DNMT1: variants seen among roughly 807,000 people sequenced by gnomAD.
DNMT1 encodes DNA (cytosine-5)-methyltransferase 1.
DNMT1 carries 24 observed loss-of-function variants against 205.3 expected under a neutral mutation model. The ratio of observed to expected loss-of-function variants is 0.12; its 90% CI spans 0.08 to 0.16. The LOEUF (loss-of-function observed/expected upper bound fraction) is 0.16, where lower values mean the gene tolerates loss of function less well. DNMT1 is among the 10% of genes least tolerant of loss of function. DNMT1 has a pLI of 1.00. For synonymous variants in DNMT1, 817 were observed against 839.8 expected (o/e 0.97, Z 0.47); for missense variants, 1,293 against 2,177.7 (o/e 0.59, Z 8.09).
At chr19:10,192,849 C>A (rs866467627) in intron 1 of DNMT1, among the ~76,000 whole-genome samples, 8 of 151,974 alleles carry the variant, frequency 5.3e-5, no homozygotes, top group Non-Finnish European at 1.2e-4. Context: ...GAGTTCGAGA[C>A]CAGCCTGACC....
intron 17 of DNMT1, among the ~76,000 whole-genome samples, chr19:10,157,116 T>C (rs1028217557): frequency 1.2e-4 from 19 of 152,166 alleles, no homozygotes; most frequent in Non-Finnish European, 2.9e-5. Context: ...ACTAGCTCTA[T>C]TCAGCTGCAG....
Position 10,135,848 on chromosome 19 carries a change from C to A in DNMT1, c.4661G>T (p.Arg1554Leu). The A allele has an allele frequency of 6.4e-7, 1 of 1,551,648 alleles. No individual in the cohort carries two copies. The change falls in exon 39 of 41, where the codon CGC (arginine) becomes CTC (leucine). Residue 1554 changes from arginine (R) to leucine (L), a missense_variant. By Grantham distance (102) the Arg-to-Leu change is moderately radical. This residue lies in a region of DNMT1 where 24 missense variants were observed against 58.0 expected (regional missense o/e 0.41). Transcript: ENST00000359526. Reference protein sequence around the residue: ...TNPEPMGKQGRVLHPEQHRVV... With the variant: ...TNPEPMGKQGLVLHPEQHRVV... ...ACGGTGCTGCTCTGGGTGGAGCACG[C>A]GGCCCTGGGGGAAAGAGGCGCGGTG... is the stretch of plus-strand genomic sequence containing the variant.
intron 10 of DNMT1, among the ~76,000 whole-genome samples, 200 bp from the exon 11 acceptor site, chr19:10,166,885 T>G (rs900570278): frequency 3.3e-5 from 5 of 152,172 alleles, no homozygotes; most frequent in Non-Finnish European, 5.9e-5. Context: ...CAATACCCCA[T>G]CTGAATGTTG....
intron 9 of DNMT1, among the ~76,000 whole-genome samples, chr19:10,170,298 GAAAA>G (rs893991078): frequency 6.6e-6 from 1 of 151,668 alleles, no homozygotes; most frequent in Non-Finnish European, 1.5e-5. Context: ...TAAAAAAAAA[GAAAA>G]AAAGCAAGAA....
chr19:10,137,629 A>C lies in DNMT1; in HGVS notation c.4293+203T>G. The C allele has an allele frequency of 1.3e-6, 1 of 767,884 alleles. No homozygotes were observed. The highest frequency in any genetic ancestry group is 2.1e-6 in the Non-Finnish European group (1 of 471,448). 47.6% of individuals were successfully genotyped at this position (767,884 alleles called of 1,614,324 possible). A position where few individuals can be genotyped will look rare whatever the true frequency, so the allele number is the denominator to read the frequency against. ...GTGGGCAGTGGCTTGACACCATTCC[A>C]GACCAAGTCCAGGACTGCGGGAGCT... On this transcript the variant is annotated intron_variant, in intron 36 of 40. Coordinates refer to ENST00000359526, the MANE Select transcript of DNMT1 (RefSeq NM_001130823.3). The surrounding 1 kb of genome is among the most constrained non-coding windows in gnomAD (Gnocchi z 6.4).
rs532641727 is a variant in DNMT1, at chr19:10,155,267, G to A, written c.1493-211C>T. Among the ~76,000 whole-genome samples the A allele has an allele frequency of 2.0e-5, 3 of 152,258 alleles. No homozygotes were observed. In the South Asian group the frequency reaches 6.2e-4, roughly 32 times the overall value. ...CCAGAGAGCGAAGACTAGCTGAGTA[G>A]GCCTTCATTGAGCTCATCTCTGGTG... On this transcript the variant is annotated intron_variant, in intron 19 of 40. Transcript: ENST00000359526.
chr19:10,175,084 T>TACACACACACAC (rs201133845), intron 7 of DNMT1, among the ~76,000 whole-genome samples: 1 of 113,902 alleles, frequency 8.8e-6, no homozygotes, highest in African/African-American at 3.2e-5. Context: ...CATACATACA[T>TACACACACACAC]ACACACACAC....
At chr19:10,189,240 C>T in intron 1 of DNMT1, among the ~76,000 whole-genome samples, 1 of 152,026 alleles carries the variant, frequency 6.6e-6, no homozygotes, top group Non-Finnish European at 1.5e-5. Flanking sequence ...CTGCCTCAGC[C>T]TCCCATGGAG....
At chr19:10,172,836 T>C (rs1395751673) in intron 9 of DNMT1, among the ~76,000 whole-genome samples, 1 of 151,678 alleles carries the variant, frequency 6.6e-6, no homozygotes, top group East Asian at 1.9e-4. Context: ...AATAAATAAA[T>C]AAAATAAAAT....
Position 10,151,315 on chromosome 19 carries a change from G to A in DNMT1, c.2265+83C>T. 1 of 1,589,748 alleles carries A rather than the reference G, an allele frequency of 6.3e-7. No homozygotes were observed. The highest frequency in any genetic ancestry group is 1.7e-5 in the Admixed American group (1 of 59,988). ...TAGTGCCGGGGCTCAGGCTGCCTGA[G>A]AGGTCAGGTTGGCGAGATACTAGAG... is the stretch of plus-strand genomic sequence containing the variant. On this transcript the variant is annotated intron_variant, in intron 24 of 40. Coordinates refer to ENST00000359526, the MANE Select transcript of DNMT1 (RefSeq NM_001130823.3). The surrounding 1 kb of genome is among the most constrained non-coding windows in gnomAD (Gnocchi z 5.0).
rs764471193 is a variant in DNMT1 at position 10,163,376 on chromosome 19, G to A, written c.892-16C>T. On this transcript the variant is annotated splice_polypyrimidine_tract_variant and intron_variant, in intron 11 of 40. Transcript: ENST00000359526. Reference sequence around the variant, plus strand: ...TCTTCTCATCCTGACAGAAAAATAAGGGGGAGGTAGAGAGATAAAGAAGGG... The same window carrying A: ...TCTTCTCATCCTGACAGAAAAATAAAGGGGAGGTAGAGAGATAAAGAAGGG... The A allele has an allele frequency of 4.3e-6, 7 of 1,613,310 alleles. No homozygotes were observed. In the African/African-American group the frequency reaches 8.0e-5, roughly 18 times the overall value.
At position 10,138,142 on chromosome 19, in the gene DNMT1, C is replaced by T; in HGVS notation, c.4116-133G>A. The T allele has an allele frequency of 2.5e-6, 3 of 1,213,644 alleles. No individual in the cohort carries two copies. Among genetic ancestry groups the T allele is most frequent in the South Asian group, 2.6e-5 (2 of 75,682 alleles). 75.2% of individuals were successfully genotyped at this position (1,213,644 alleles called of 1,614,324 possible). Reference sequence around the variant, plus strand: ...GCACTGCCCGAGGTCACATGGGTGGCAGTGTGCCTGGATGCCATCTGGAAG... The same window carrying T: ...GCACTGCCCGAGGTCACATGGGTGGTAGTGTGCCTGGATGCCATCTGGAAG... On this transcript the variant is annotated intron_variant, in intron 35 of 40. Transcript: ENST00000359526. This position sits in a 1 kb window ranked among gnomAD's most constrained non-coding sequence, Gnocchi z 4.1.
In DNMT1 at chr19:10,180,361, C is replaced by G. The variant is rs1292830551; in HGVS notation, c.434G>C (p.Gly145Ala). 6.8e-6 allele frequency: 11 copies of G among 1,612,668 alleles called. No individual in the cohort carries two copies. The highest frequency in any genetic ancestry group is 1.3e-5 in the African/African-American group (1 of 74,898). ...TCATCTGCTCTTACGCTTAGCCTCT[C>G]CATCGGACTTGCTCCTCCTGGGCGT... ...PRTPRRSKSD[G>A]EAKRSRDPPA... The change falls in exon 4 of 41, where the codon GGA becomes GCA. Residue 145 changes from glycine (G) to alanine (A), a missense_variant. Gly to Ala is a moderately conservative substitution (Grantham distance 60). Around this residue, in one of 13 missense-constraint regions of DNMT1, gnomAD observed 394 missense variants for 451.6 expected, o/e 0.87. Coordinates refer to ENST00000359526, the MANE Select transcript of DNMT1 (RefSeq NM_001130823.3).
chr19:10,179,390 G>A (rs547861857), intron 5 of DNMT1, among the ~76,000 whole-genome samples: 21 of 151,654 alleles, frequency 1.4e-4, no homozygotes, highest in African/African-American at 4.4e-4. Context: ...CCGCCACCAC[G>A]TCTGGCAAAT....
intron 17 of DNMT1, among the ~76,000 whole-genome samples, chr19:10,158,861 G>A (rs927266224): frequency 5.3e-5 from 8 of 152,162 alleles, no homozygotes; most frequent in South Asian, 2.1e-4. Context: ...GCCCCACCCC[G>A]GCCATCCCCT....
chr19:10,135,882 C>A, intron 38 of DNMT1, 30 bp from the exon 39 acceptor site: 2 of 1,538,486 alleles, frequency 1.3e-6, no homozygotes, highest in Non-Finnish European at 1.7e-6. Context: ...TGGGCGAGGG[C>A]AGTAGCACCC....
intron 5 of DNMT1, among the ~76,000 whole-genome samples, chr19:10,179,378 AC>A (rs1352805151): frequency 6.6e-6 from 1 of 151,356 alleles, no homozygotes; most frequent in African/African-American, 2.4e-5. Flanking sequence ...AATTACAGAC[AC>A]CCGCCACCAC....
At chr19:10,178,917 G>T (rs896400871) in intron 5 of DNMT1, among the ~76,000 whole-genome samples, 1 of 151,770 alleles carries the variant, frequency 6.6e-6, no homozygotes, top group Non-Finnish European at 1.5e-5. Context: ...ATGAGGTCAG[G>T]AGATCGAAAT....
chr19:10,194,590 C>T, intron 1 of DNMT1: 1 of 513,556 alleles, frequency 1.9e-6, no homozygotes, highest in Non-Finnish European at 3.4e-6. Flanking sequence ...TAGTTTCTAG[C>T]CACCAGGGAG....
Sources: gnomAD v4.1 joint callset for allele counts (sites outside exome capture counted in the v4.1 genomes callset) on GRCh38, gnomAD v4.1.1 for gene constraint, gnomAD v4.1.1 regional missense constraint, Gnocchi (gnomAD v3.1) non-coding constraint, MANE v1.5 for transcripts, NCBI Gene and HGNC (gene_info 2026-07-23, HGNC 2026-07-21) for gene names.